DPP10: variants seen among roughly 807,000 people sequenced by gnomAD.
DPP10 encodes inactive dipeptidyl peptidase 10.
A neutral mutation model predicts 120.9 loss-of-function variants in DPP10; 33 were observed. That is an observed-to-expected ratio of 0.27 (90% CI 0.21 to 0.37). The LOEUF (loss-of-function observed/expected upper bound fraction) is 0.37. DPP10 is among the 10% of genes least tolerant of loss of function. DPP10 has a pLI of 1.00. For missense variants in DPP10, 816 were observed against 942.8 expected, an observed-to-expected ratio of 0.87 and a Z score of 1.76; for synonymous variants, 337 against 326.1, an observed-to-expected ratio of 1.03 and a Z score of -0.36.
chr2:114,946,595 A>G (rs1283529190), intron 1 of DPP10, among the ~76,000 whole-genome samples: 1 of 152,088 alleles, frequency 6.6e-6, no homozygotes, highest in Non-Finnish European at 1.5e-5. Flanking sequence ...GCAGTGAATT[A>G]TGTTTTCTGA....
chr2:114,546,107 C>A (rs897819594), intron 1 of DPP10, among the ~76,000 whole-genome samples: 1 of 152,086 alleles, frequency 6.6e-6, no homozygotes, highest in Non-Finnish European at 1.5e-5. Flanking sequence ...AGCATTCCCC[C>A]CTGTATCAGT....
At chr2:115,592,406 ATC>A in intron 5 of DPP10, among the ~76,000 whole-genome samples, 1 of 152,074 alleles carries the variant, frequency 6.6e-6, no homozygotes, top group East Asian at 1.9e-4. Context: ...CAGCCTCTCA[ATC>A]TCTCTTAGTT....
chr2:115,521,044 G>T (rs1176655011), intron 4 of DPP10, among the ~76,000 whole-genome samples: 1 of 152,148 alleles, frequency 6.6e-6, no homozygotes, highest in Non-Finnish European at 1.5e-5. Flanking sequence ...GAGCTAAGAA[G>T]GACAGGGAAG....
chr2:115,776,990 C>A (rs1250828859), intron 13 of DPP10, among the ~76,000 whole-genome samples: 1 of 151,970 alleles, frequency 6.6e-6, no homozygotes, highest in African/African-American at 2.4e-5. Context: ...GAGGAGTTTT[C>A]TGAATGACTT....
chr2:115,585,378 G>A (rs1412966597), intron 5 of DPP10, among the ~76,000 whole-genome samples: 1 of 152,134 alleles, frequency 6.6e-6, no homozygotes. Context: ...AACCCATGCA[G>A]TACTAAAAAA....
chr2:115,402,849 A>AT (rs2068174350), intron 3 of DPP10, among the ~76,000 whole-genome samples: 3 of 64,176 alleles, frequency 4.7e-5, no homozygotes, highest in Non-Finnish European at 7.2e-5. Context: ...AAGGAAAAAA[A>AT]AAAAAATATA....
intron 3 of DPP10, among the ~76,000 whole-genome samples, chr2:115,402,854 A>ATATAT (rs1553584380): frequency 0.028 from 2,771 of 97,516 alleles, 82 homozygotes; most frequent in Non-Finnish European, 0.036. Context: ...AAAAAAAAAA[A>ATATAT]ATATATATAT....
intron 1 of DPP10, among the ~76,000 whole-genome samples, chr2:115,026,783 C>T (rs1010338104): frequency 6.6e-6 from 1 of 152,138 alleles, no homozygotes; most frequent in Non-Finnish European, 1.5e-5. Flanking sequence ...GCAATCTTCC[C>T]ACCTCTGCCT....
chr2:115,371,643 A>C (rs1356461289), intron 3 of DPP10, among the ~76,000 whole-genome samples: 2 of 152,130 alleles, frequency 1.3e-5, no homozygotes, highest in African/African-American at 4.8e-5. Flanking sequence ...TCTTTAGCAC[A>C]AACCCAAACT....
At chr2:115,354,625 G>A (rs1171248690) in intron 3 of DPP10, among the ~76,000 whole-genome samples, 1 of 151,314 alleles carries the variant, frequency 6.6e-6, no homozygotes, top group Non-Finnish European at 1.5e-5. Flanking sequence ...AGAACGTGCA[G>A]GTTTGTTACA....
At chr2:115,673,436 A>C (rs959111469) in intron 5 of DPP10, among the ~76,000 whole-genome samples, 3 of 152,206 alleles carry the variant, frequency 2.0e-5, no homozygotes, top group Admixed American at 1.3e-4. Context: ...ATAATATTGA[A>C]TGCAATTGCT....
chr2:114,669,494 A>C (rs555089566), intron 1 of DPP10, among the ~76,000 whole-genome samples: 1 of 152,240 alleles, frequency 6.6e-6, no homozygotes, highest in Admixed American at 6.5e-5. Context: ...GTCTTTCTGT[A>C]GAAATTTTGT....
At chr2:114,670,795 C>T (rs1020031397) in intron 1 of DPP10, among the ~76,000 whole-genome samples, 1 of 152,036 alleles carries the variant, frequency 6.6e-6, no homozygotes, top group Non-Finnish European at 1.5e-5. Context: ...ACTCTATTAC[C>T]TATCATAATA....
At position 115,665,763 on chromosome 2, in the gene DPP10, T is replaced by A. The variant is rs1377569737; in HGVS notation, c.442-23924T>A. 5.9e-5 allele frequency among the ~76,000 whole-genome samples: 9 copies of A among 152,340 alleles called. No homozygotes were observed. In the East Asian group the frequency reaches 1.3e-3, roughly 23 times the overall value. ...TCTCTTTGTATTTTAATTTGAGTAATTTCCACTAACCTATCTTCAAGCTTA... is the reference window on the plus strand; with the variant it reads ...TCTCTTTGTATTTTAATTTGAGTAAATTCCACTAACCTATCTTCAAGCTTA... On this transcript the variant is annotated intron_variant, in intron 5 of 25. Transcript: ENST00000410059.
intron 4 of DPP10, among the ~76,000 whole-genome samples, chr2:115,518,496 T>TA (rs1045009029): frequency 5.3e-4 from 81 of 152,164 alleles, no homozygotes; most frequent in African/African-American, 1.8e-3. Context: ...TCAGCCATGG[T>TA]AAAAAAAGTT....
chr2:115,832,240 G>A (rs1688999421), intron 21 of DPP10, among the ~76,000 whole-genome samples: 1 of 152,202 alleles, frequency 6.6e-6, no homozygotes, highest in African/African-American at 2.4e-5. Flanking sequence ...TGTAATCCCA[G>A]TTCTTTGGGA....
At chr2:115,193,577 C>G (rs1438811660) in intron 1 of DPP10, among the ~76,000 whole-genome samples, 1 of 152,168 alleles carries the variant, frequency 6.6e-6, no homozygotes, top group Non-Finnish European at 1.5e-5. Flanking sequence ...CCTTGTGGAA[C>G]AGGTCTTGGT....
At chr2:114,561,566 C>G (rs553896366) in intron 1 of DPP10, among the ~76,000 whole-genome samples, 2 of 152,216 alleles carry the variant, frequency 1.3e-5, no homozygotes, top group Non-Finnish European at 2.9e-5. Flanking sequence ...GGAGTCTTCT[C>G]TCACTATTAG....
At chr2:114,628,427 A>T (rs1227158047) in intron 1 of DPP10, among the ~76,000 whole-genome samples, 1 of 152,184 alleles carries the variant, frequency 6.6e-6, no homozygotes, top group Non-Finnish European at 1.5e-5. Context: ...AGCATGAAAC[A>T]TGTCTAATTG....
Sources: gnomAD v4.1 joint callset for allele counts (sites outside exome capture counted in the v4.1 genomes callset) on GRCh38, gnomAD v4.1.1 for gene constraint, MANE v1.5 for transcripts, NCBI Gene and HGNC (gene_info 2026-07-23, HGNC 2026-07-21) for gene names.